Variants in CYLC1 observed in about 807,000 individuals in gnomAD.
CYLC1 encodes cylicin 1.
Under a neutral mutation model 31.6 loss-of-function variants are expected in CYLC1, and 2 were observed. The ratio of observed to expected loss-of-function variants is 0.06; its 90% CI spans 0.03 to 0.20. The LOEUF is 0.20. Among genes scored for constraint, CYLC1 ranks in the 10% least tolerant of loss-of-function variants. The probability of loss-of-function intolerance (pLI) is 1.00; values close to 1 mark genes in which losing one functional copy is unlikely to be tolerated. For missense variants in CYLC1, 595 were observed against 424.1 expected (o/e 1.40, Z -3.54); for synonymous variants, 185 against 153.0 (o/e 1.21, Z -1.54).
chrX:83,872,990 C>T lies in CYLC1; in HGVS notation c.282C>T (p.Ala94=). The change falls in exon 4 of 5, where the codon GCC becomes GCT. Residue 94 remains alanine, a synonymous_variant. Transcript: ENST00000329312. ...AATGGCCACCCATTTACACAGCTGC[C>T]AGGGAACAGACTCCATTCAGACATC... The part of the protein sequence containing the change: ...ILQWPPIYTA[A]REQTPFRHLY... 1.7e-6 allele frequency: 2 copies of T among 1,205,742 alleles called. No individual in the cohort carries two copies. Among genetic ancestry groups the T allele is most frequent in the Non-Finnish European group, 2.2e-6 (2 of 892,601 alleles).
At chrX:83,880,887 G>T (rs1012315952) in intron 4 of CYLC1, among the ~76,000 whole-genome samples, 12 of 111,201 alleles carry the variant, frequency 1.1e-4, no homozygotes, top group African/African-American at 3.3e-4. Context: ...ATTTTTAACT[G>T]CCACCCTCTC....
At position 83,874,086 on chromosome X, in the gene CYLC1, G is replaced by A. The variant is rs1361864812; in HGVS notation, c.1378G>A (p.Asp460Asn). 4.2e-6 allele frequency: 5 copies of A among 1,204,736 alleles called. No individual in the cohort carries two copies. Among genetic ancestry groups the A allele is most frequent in the South Asian group, 1.8e-5 (1 of 55,775 alleles). The change falls in exon 4 of 5, where the codon GAT (aspartate) becomes AAT (asparagine). Residue 460 changes from aspartate to asparagine, a missense_variant. Asp to Asn is a conservative substitution (Grantham distance 23). Transcript: ENST00000329312. ...GGGAGATTCAAAAAAGGGTAAAAAG[G>A]ATGAAAAGAAGGGGAAGAAAGATTC... ...PKGDSKKGKK[D>N]EKKGKKDSKK...
chrX:83,868,461 AAT>A (rs1167993190), intron 1 of CYLC1, among the ~76,000 whole-genome samples: 1 of 110,724 alleles, frequency 9.0e-6, no homozygotes, highest in Non-Finnish European at 1.9e-5. Context: ...CAGTTTAATA[AAT>A]ATGTGTCTAC....
chrX:83,875,504 G>A (rs757935539), intron 4 of CYLC1, among the ~76,000 whole-genome samples: 1 of 111,791 alleles, frequency 8.9e-6, no homozygotes, highest in East Asian at 2.8e-4. Context: ...GCAAGGAGGA[G>A]CAAGTCACAT....
chrX:83,886,513 C>G (rs765641820), intron 4 of CYLC1, 39 bp from the exon 5 acceptor site: 1 of 1,181,143 alleles, frequency 8.5e-7, no homozygotes, highest in South Asian at 1.8e-5. Flanking sequence ...ACAAATAAAG[C>G]CTTTCTTTTT....
intron 1 of CYLC1, among the ~76,000 whole-genome samples, chrX:83,868,292 C>A (rs1313320588): frequency 9.0e-6 from 1 of 110,991 alleles, no homozygotes; most frequent in Non-Finnish European, 1.9e-5. Flanking sequence ...TCTAAAGAAT[C>A]TTTGTCATGA....
At chrX:83,875,448 C>T (rs768080536) in intron 4 of CYLC1, among the ~76,000 whole-genome samples, 5 of 111,602 alleles carry the variant, frequency 4.5e-5, no homozygotes, top group Non-Finnish European at 9.4e-5. Flanking sequence ...TTTAATTAGA[C>T]TCACAGTTCC....
chrX:83,882,679 G>T (rs1272401897), intron 4 of CYLC1, among the ~76,000 whole-genome samples: 1 of 109,695 alleles, frequency 9.1e-6, no homozygotes, highest in Non-Finnish European at 1.9e-5. Flanking sequence ...GTTTTCTATG[G>T]CTCAGTTATT....
intron 2 of CYLC1, among the ~76,000 whole-genome samples, 198 bp from the exon 3 acceptor site, chrX:83,871,250 TAAAA>T (rs894768445): frequency 9.0e-6 from 1 of 111,354 alleles, no homozygotes; most frequent in African/African-American, 3.2e-5. Context: ...TCATTTTAAA[TAAAA>T]TTCAATGATA....
intron 1 of CYLC1, among the ~76,000 whole-genome samples, chrX:83,867,569 G>A (rs1332307070): frequency 1.8e-5 from 2 of 111,307 alleles, no homozygotes; most frequent in Admixed American, 9.6e-5. Context: ...TAAACTCTGA[G>A]GGGAAAATCT....
chrX:83,876,923 G>A (rs1475273321), intron 4 of CYLC1, among the ~76,000 whole-genome samples: 2 of 110,843 alleles, frequency 1.8e-5, no homozygotes, highest in Middle Eastern at 4.7e-3. Context: ...TCTATGTATT[G>A]ATGATTCCAA....
chrX:83,872,718 TAC>T (rs61531587), intron 3 of CYLC1, among the ~76,000 whole-genome samples, 166 bp from the exon 4 acceptor site: 26,946 of 91,667 alleles, frequency 0.29, 3,105 homozygotes, highest in Middle Eastern at 0.42. Flanking sequence ...GTCTCTCTCT[TAC>T]ACACACACAC....
chrX:83,874,397 C>T lies in CYLC1; in HGVS notation c.1689C>T (p.Gly563=). The change falls in exon 4 of 5, where the codon GGC becomes GGT. Residue 563 remains glycine, a synonymous_variant. Coordinates refer to ENST00000329312, the MANE Select transcript of CYLC1 (RefSeq NM_021118.3). Reference sequence around the variant, plus strand: ...AGAAGAAAATTGATGAATCAGATGGCACATCTGCAAATTCAAAGATGGAAG... The same window carrying T: ...AGAAGAAAATTGATGAATCAGATGGTACATCTGCAAATTCAAAGATGGAAG... ...GAKKKIDESD[G]TSANSKMEGL... The T allele has an allele frequency of 1.7e-6, 2 of 1,209,494 alleles. No individual in the cohort carries two copies. Among genetic ancestry groups the T allele is most frequent in the African/African-American group, 1.7e-5 (1 of 57,517 alleles).
intron 4 of CYLC1, among the ~76,000 whole-genome samples, chrX:83,875,225 G>T (rs1170575572): frequency 9.0e-6 from 1 of 111,230 alleles, no homozygotes; most frequent in Non-Finnish European, 1.9e-5. Flanking sequence ...TAAACCTCAT[G>T]TTAACTTTAT....
chrX:83,869,031 T>C (rs887510377), intron 1 of CYLC1, among the ~76,000 whole-genome samples: 2 of 110,716 alleles, frequency 1.8e-5, no homozygotes, highest in African/African-American at 3.3e-5. Flanking sequence ...TATATTTCTA[T>C]TTGTGTATTT....
chrX:83,863,093 C>G (rs931600152), intron 1 of CYLC1, among the ~76,000 whole-genome samples: 3 of 111,718 alleles, frequency 2.7e-5, no homozygotes, highest in East Asian at 5.6e-4. Context: ...TTCCGTCTGG[C>G]TATCACTTTC....
intron 1 of CYLC1, among the ~76,000 whole-genome samples, chrX:83,868,360 T>A (rs1477329763): frequency 3.6e-5 from 4 of 111,090 alleles, no homozygotes; most frequent in African/African-American, 1.3e-4. Context: ...TTTCCATTAT[T>A]AGAGGAGGAA....
Position 83,874,047 on chromosome X carries a change from G to T in CYLC1, c.1339G>T (p.Asp447Tyr), listed in dbSNP as rs1201536598. The change falls in exon 4 of 5, where the codon GAC becomes TAC. Residue 447 changes from aspartate to tyrosine, a missense_variant. Asp to Tyr is a radical substitution (Grantham distance 160). Transcript: ENST00000329312. ...GAATGATGAAGAGTCTACTGATGCT[G>T]ACTCTGAACCGAAGGGAGATTCAAA... ...VKNDEESTDA[D>Y]SEPKGDSKKG... The T allele has an allele frequency of 8.3e-7, 1 of 1,203,767 alleles. No homozygotes were observed. The highest frequency in any genetic ancestry group is 1.1e-6 in the Non-Finnish European group (1 of 891,015).
rs373061802 is a variant in CYLC1 at position 83,886,444 on chromosome X, C to T, written c.1924-108C>T. 1.2e-5 allele frequency: 9 copies of T among 723,407 alleles called. No homozygotes were observed. The East Asian group carries it at 3.0e-4, about 24-fold the overall frequency. 59.6% of individuals were successfully genotyped at this position (723,407 alleles called of 1,213,427 possible). ...AAATGATATCCAAGTTCCCTTTCAA[C>T]TATGACAGTCTGTGCTTTCGTGTGA... On this transcript the variant is annotated intron_variant, in intron 4 of 4. Transcript: ENST00000329312.
Sources: allele counts gnomAD v4.1 joint callset (sites outside exome capture counted in the v4.1 genomes callset), GRCh38; gene constraint gnomAD v4.1.1; transcripts MANE v1.5; gene names NCBI Gene and HGNC (gene_info 2026-07-23, HGNC 2026-07-21).